The following ATP2C2 variants were observed in gnomAD, a reference collection of about 807,000 sequenced individuals.
ATP2C2 encodes calcium-transporting ATPase type 2C member 2.
ATP2C2 carries 171 observed loss-of-function variants against 110.8 expected under a neutral mutation model. The ratio of observed to expected loss-of-function variants is 1.54; its 90% CI spans 1.36 to 1.75. The LOEUF (loss-of-function observed/expected upper bound fraction) is 1.75. ATP2C2 is among the 40% of genes most tolerant of loss of function. The pLI, the probability that ATP2C2 is intolerant of heterozygous loss-of-function variation, is 0.00. For synonymous variants in ATP2C2, 804 were observed against 508.4 expected, an observed-to-expected ratio of 1.58 and a Z score of -7.82; for missense variants, 1,963 against 1,235.0, an observed-to-expected ratio of 1.59 and a Z score of -8.84.
chr16:84,463,845 C>A lies in ATP2C2; in HGVS notation c.*113C>A. ...TTAGGAGGCCGCAGCCTTCCATCAC[C>A]GGATCAGTTTTTCCTCTTAGGAAAG... On this transcript the variant is annotated 3_prime_UTR_variant, in exon 27 of 27. Coordinates refer to ENST00000262429, the MANE Select transcript of ATP2C2 (RefSeq NM_014861.4). The A allele has an allele frequency of 2.1e-6, 2 of 954,764 alleles. No homozygotes were observed. Among genetic ancestry groups the A allele is most frequent in the Admixed American group, 2.1e-5 (1 of 47,730 alleles). The allele number at this position is 954,764 out of a possible 1,614,324, so 59.1% of individuals were successfully genotyped here. A position where few individuals can be genotyped will look rare whatever the true frequency, so the allele number is the denominator to read the frequency against.
At chr16:84,372,111 G>C (rs1909988512) in intron 1 of ATP2C2, among the ~76,000 whole-genome samples, 1 of 152,196 alleles carries the variant, frequency 6.6e-6, no homozygotes, top group African/African-American at 2.4e-5. Flanking sequence ...AGGCTGCAGA[G>C]GAGGGTCGTA....
In ATP2C2 at chr16:84,446,442, C is replaced by G. The variant is rs1326268019; in HGVS notation, c.1503+12C>G. On this transcript the variant is annotated intron_variant, in intron 16 of 26. Transcript: ENST00000262429. ...GTCTGAAGACTGAGGTGAGACCTTT[C>G]AATCTTCAACCTCTTCTCTCTTTCT... is the stretch of plus-strand genomic sequence containing the variant. 6.4e-7 allele frequency: 1 copy of G among 1,555,458 alleles called. No individual in the cohort carries two copies. Among genetic ancestry groups the G allele is most frequent in the East Asian group, 2.3e-5 (1 of 43,138 alleles).
chr16:84,388,842 G>T (rs1387501254), intron 1 of ATP2C2, among the ~76,000 whole-genome samples: 2 of 152,126 alleles, frequency 1.3e-5, no homozygotes, highest in Non-Finnish European at 2.9e-5. Flanking sequence ...TGCAATCTTG[G>T]CTCACTGCTA....
chr16:84,391,042 G>A (rs7201672), intron 1 of ATP2C2, among the ~76,000 whole-genome samples: 6,032 of 146,786 alleles, frequency 0.041, 403 homozygotes, highest in African/African-American at 0.15. Flanking sequence ...TGAGCCCTGG[G>A]GGCAGAGGTT....
intron 1 of ATP2C2, among the ~76,000 whole-genome samples, chr16:84,379,638 G>C (rs572836057): frequency 4.5e-4 from 68 of 152,308 alleles, no homozygotes; most frequent in African/African-American, 1.5e-3. Flanking sequence ...TCGCCGGGGG[G>C]TTCTGAGGCT....
At chr16:84,458,823 G>T (rs890489905) in intron 21 of ATP2C2, among the ~76,000 whole-genome samples, 3 of 152,166 alleles carry the variant, frequency 2.0e-5, no homozygotes, top group Admixed American at 2.0e-4. Flanking sequence ...GCAGGGATGG[G>T]GCCCCCTGGG....
intron 7 of ATP2C2, among the ~76,000 whole-genome samples, chr16:84,416,041 GCA>G (rs1906805190): frequency 6.6e-6 from 1 of 152,230 alleles, no homozygotes; most frequent in Non-Finnish European, 1.5e-5. Context: ...AGGCATGGTG[GCA>G]TGTGCCTGTA....
intron 8 of ATP2C2, 36 bp from the exon 9 acceptor site, chr16:84,422,593 C>T (rs780838343): frequency 3.7e-6 from 6 of 1,610,870 alleles, no homozygotes; most frequent in South Asian, 1.1e-5. Context: ...GGCTCCCAGC[C>T]CTTAGATTTC....
chr16:84,422,638 A>G lies in ATP2C2; in HGVS notation c.784A>G (p.Ile262Val). 6.2e-7 allele frequency: 1 copy of G among 1,613,434 alleles called. No homozygotes were observed. The highest frequency in any genetic ancestry group is 8.5e-7 in the Non-Finnish European group (1 of 1,179,746). The part of the protein sequence containing the change: ...VQYGRGQGVV[I>V]GTGESSQFGE... ...TCTCTCCTGGACACAGGGGGTCGTGATTGGAACAGGGGAAAGCTCTCAGTT... is the reference window on the plus strand; with the variant it reads ...TCTCTCCTGGACACAGGGGGTCGTGGTTGGAACAGGGGAAAGCTCTCAGTT... The change falls in exon 9 of 27, where the codon ATT becomes GTT. Residue 262 changes from isoleucine (I) to valine (V), a missense_variant. Transcript: ENST00000262429.
chr16:84,434,941 T>G (rs1908607335), intron 11 of ATP2C2, among the ~76,000 whole-genome samples: 1 of 152,244 alleles, frequency 6.6e-6, no homozygotes, highest in South Asian at 2.1e-4. Flanking sequence ...CCACAAATGT[T>G]TGCTTAGCTG....
chr16:84,442,682 C>T, intron 15 of ATP2C2, 83 bp downstream of exon 15: 1 of 1,357,796 alleles, frequency 7.4e-7, no homozygotes, highest in Non-Finnish European at 1.1e-6. Context: ...CCTGTCTGAG[C>T]TAACAGGAGT....
At chr16:84,383,188 G>C (rs982008308) in intron 1 of ATP2C2, among the ~76,000 whole-genome samples, 6 of 152,334 alleles carry the variant, frequency 3.9e-5, no homozygotes, top group East Asian at 3.9e-4. Flanking sequence ...CTAGGAACCA[G>C]CCTCACTGTC....
chr16:84,442,935 C>T (rs1448435009), intron 15 of ATP2C2, among the ~76,000 whole-genome samples: 2 of 152,122 alleles, frequency 1.3e-5, no homozygotes, highest in African/African-American at 4.8e-5. Flanking sequence ...CCTGTGCTCA[C>T]CGAGGCACCA....
chr16:84,423,849 T>G (rs546191823), intron 10 of ATP2C2, among the ~76,000 whole-genome samples: 1 of 152,342 alleles, frequency 6.6e-6, no homozygotes, highest in South Asian at 2.1e-4. Flanking sequence ...AGGCTGTTCC[T>G]GGACTGGGAC....
chr16:84,404,573 C>T (rs1905583000), intron 2 of ATP2C2: 1 of 240,616 alleles, frequency 4.2e-6, no homozygotes, highest in South Asian at 5.4e-5. Flanking sequence ...TGTGTGTACA[C>T]CATGTTTCAT....
Position 84,402,856 on chromosome 16 carries a change from A to G in ATP2C2, c.211-2272A>G, listed in dbSNP as rs569268706. 2.1e-3 allele frequency among the ~76,000 whole-genome samples: 317 copies of G among 152,212 alleles called. 1 individual carries two copies. The highest frequency in any genetic ancestry group is 7.3e-3 in the African/African-American group (305 of 41,546). ...CTGTTTTTTGGAATTATTTAGTAGG[A>G]TTGGTATCGCTTCTTCGAGTGTTTG... On this transcript the variant is annotated intron_variant, in intron 2 of 26. Coordinates refer to ENST00000262429, the MANE Select transcript of ATP2C2 (RefSeq NM_014861.4).
At chr16:84,378,173 T>G (rs1910359633) in intron 1 of ATP2C2, among the ~76,000 whole-genome samples, 1 of 152,180 alleles carries the variant, frequency 6.6e-6, no homozygotes, top group African/African-American at 2.4e-5. Context: ...CTAGAACTGC[T>G]TATTTCACCC....
At chr16:84,442,461 T>G (rs545705876) in intron 14 of ATP2C2, 49 bp from the exon 15 acceptor site, 13 of 1,584,296 alleles carry the variant, frequency 8.2e-6, no homozygotes, top group Non-Finnish European at 1.1e-5. Context: ...TGTCTAACTT[T>G]TTCATGAGCC....
intron 1 of ATP2C2, among the ~76,000 whole-genome samples, chr16:84,376,729 G>T (rs567209905): frequency 6.6e-6 from 1 of 152,072 alleles, no homozygotes; most frequent in African/African-American, 2.4e-5. Context: ...GCCAAGCCCC[G>T]GGCACACATC....
Sources: allele counts gnomAD v4.1 joint callset (sites outside exome capture counted in the v4.1 genomes callset), GRCh38; gene constraint gnomAD v4.1.1; transcripts MANE v1.5; gene names NCBI Gene and HGNC (gene_info 2026-07-23, HGNC 2026-07-21).